The following CSMD1 variants were observed in gnomAD, a reference collection of about 807,000 sequenced individuals.
CSMD1 encodes CUB and Sushi multiple domains 1, also known as CUB and sushi domain-containing protein 1.
Under a neutral mutation model 417.5 loss-of-function variants are expected in CSMD1, and 213 were observed. That is an observed-to-expected ratio of 0.51 (90% CI 0.46 to 0.57). CSMD1 has a LOEUF of 0.57. Among genes scored for constraint, CSMD1 ranks in the 20% least tolerant of loss-of-function variants. CSMD1 has a pLI of 0.00. For synonymous variants in CSMD1, 2,862 were observed against 1,736.8 expected (o/e 1.65, Z -16.11); for missense variants, 6,923 against 4,529.7 (o/e 1.53, Z -15.17).
intron 3 of CSMD1, among the ~76,000 whole-genome samples, chr8:4,237,466 G>A (rs1802136191): frequency 6.6e-6 from 1 of 152,104 alleles, no homozygotes. Flanking sequence ...GCTTTGAAGT[G>A]AGGAATAAGG....
chr8:4,439,815 G>A (rs190990090), intron 2 of CSMD1, among the ~76,000 whole-genome samples: 1 of 152,266 alleles, frequency 6.6e-6, no homozygotes, highest in Non-Finnish European at 1.5e-5. Flanking sequence ...AAATTCAGGG[G>A]TGAAAATTAA....
At chr8:4,830,005 T>C (rs1585173909) in intron 1 of CSMD1, among the ~76,000 whole-genome samples, 1 of 152,336 alleles carries the variant, frequency 6.6e-6, no homozygotes, top group Non-Finnish European at 1.5e-5. Flanking sequence ...CGTGCTCTCG[T>C]GATGAACTGC....
chr8:3,751,672 T>C (rs1223065646), intron 6 of CSMD1, among the ~76,000 whole-genome samples: 3 of 152,128 alleles, frequency 2.0e-5, no homozygotes, highest in African/African-American at 2.4e-5. Context: ...GTCTGATACA[T>C]CTAAGTGATT....
At chr8:3,653,782 C>A (rs891381093) in intron 7 of CSMD1, among the ~76,000 whole-genome samples, 1 of 152,172 alleles carries the variant, frequency 6.6e-6, no homozygotes, top group Non-Finnish European at 1.5e-5. Context: ...AATGACATAT[C>A]CCTAACTCGT....
Position 3,000,013 on chromosome 8 carries a change from G to A in CSMD1, c.8148C>T (p.Ser2716=), listed in dbSNP as rs185898018. ...CNPGFRLVGT[S]VRICLQDHKW... ...TGTGGTCTTGCAGGCATATCCTCACGGAAGTTCCCACAAGCCGGAAACCAG... is the reference window on the plus strand; with the variant it reads ...TGTGGTCTTGCAGGCATATCCTCACAGAAGTTCCCACAAGCCGGAAACCAG... Residue 2716 remains serine (S), a synonymous_variant, in exon 53 of 70, where the codon TCC becomes TCT. Transcript: ENST00000635120. 3.4e-4 allele frequency: 551 copies of A among 1,607,966 alleles called. 4 individuals carry two copies. In the African/African-American group the frequency reaches 5.9e-3, roughly 17 times the overall value.
chr8:2,987,522 A>C (rs1255838063), intron 54 of CSMD1, among the ~76,000 whole-genome samples: 1 of 151,914 alleles, frequency 6.6e-6, no homozygotes, highest in East Asian at 1.9e-4. Flanking sequence ...TAAAAATCAA[A>C]GCTTATTCAC....
At chr8:3,205,988 G>A (rs980059880) in intron 30 of CSMD1, among the ~76,000 whole-genome samples, 1 of 152,090 alleles carries the variant, frequency 6.6e-6, no homozygotes, top group Non-Finnish European at 1.5e-5. Context: ...TAACTTAAGA[G>A]ATACAAAGAT....
intron 1 of CSMD1, among the ~76,000 whole-genome samples, chr8:4,905,164 C>T (rs1057099087): frequency 3.3e-5 from 5 of 152,024 alleles, no homozygotes; most frequent in Admixed American, 1.3e-4. Context: ...GAGTACTATT[C>T]GAACACATCT....
At chr8:4,118,099 G>C (rs933163640) in intron 3 of CSMD1, among the ~76,000 whole-genome samples, 82 of 152,222 alleles carry the variant, frequency 5.4e-4, no homozygotes, top group African/African-American at 1.9e-3. Flanking sequence ...TATAAGGCTT[G>C]TGTGTTTGCA....
chr8:4,760,112 C>T (rs930203672), intron 1 of CSMD1, among the ~76,000 whole-genome samples: 1 of 152,156 alleles, frequency 6.6e-6, no homozygotes, highest in African/African-American at 2.4e-5. Flanking sequence ...TTCTGACTGG[C>T]ATGAGATCTA....
chr8:4,793,675 G>C (rs1320188526), intron 1 of CSMD1, among the ~76,000 whole-genome samples: 3 of 152,070 alleles, frequency 2.0e-5, no homozygotes, highest in Admixed American at 6.6e-5. Flanking sequence ...CTCTGCTCAG[G>C]AGAAGAAAGT....
intron 1 of CSMD1, among the ~76,000 whole-genome samples, chr8:4,751,056 C>G (rs1484464927): frequency 6.6e-6 from 1 of 152,154 alleles, no homozygotes; most frequent in African/African-American, 2.4e-5. Flanking sequence ...GTTCCTCACA[C>G]CAGGTAAAGT....
At chr8:4,985,659 G>A (rs1193601234) in intron 1 of CSMD1, among the ~76,000 whole-genome samples, 1 of 152,112 alleles carries the variant, frequency 6.6e-6, no homozygotes, top group Non-Finnish European at 1.5e-5. Flanking sequence ...GTAACAAGAT[G>A]ACTATTCTCA....
At chr8:4,642,819 A>C (rs1434267778) in intron 1 of CSMD1, among the ~76,000 whole-genome samples, 1 of 152,184 alleles carries the variant, frequency 6.6e-6, no homozygotes, top group Non-Finnish European at 1.5e-5. Flanking sequence ...TCTGAGAGCA[A>C]ATGTTTGGAC....
chr8:4,569,627 G>T (rs1798785983), intron 2 of CSMD1, among the ~76,000 whole-genome samples: 1 of 152,096 alleles, frequency 6.6e-6, no homozygotes, highest in Non-Finnish European at 1.5e-5. Context: ...AGCTATACGG[G>T]CTCTTTTTTG....
At chr8:3,260,025 A>T (rs900134477) in intron 26 of CSMD1, among the ~76,000 whole-genome samples, 1 of 152,162 alleles carries the variant, frequency 6.6e-6, no homozygotes, top group Non-Finnish European at 1.5e-5. Flanking sequence ...CTGACTCTTC[A>T]GGGAAAAGGT....
intron 1 of CSMD1, among the ~76,000 whole-genome samples, chr8:4,828,823 C>A (rs1356964424): frequency 6.6e-6 from 1 of 152,122 alleles, no homozygotes; most frequent in Non-Finnish European, 1.5e-5. Flanking sequence ...TTGTGAAGAA[C>A]TGCAGATTGT....
chr8:4,429,159 A>G (rs904116576), intron 2 of CSMD1, among the ~76,000 whole-genome samples: 1 of 150,296 alleles, frequency 6.7e-6, no homozygotes. Flanking sequence ...ATTATTATAT[A>G]TAATATATAT....
intron 1 of CSMD1, among the ~76,000 whole-genome samples, chr8:4,708,304 C>T (rs896549284): frequency 6.6e-6 from 1 of 152,146 alleles, no homozygotes; most frequent in African/African-American, 2.4e-5. Flanking sequence ...TTTACATAGA[C>T]ATGCATTTTC....
Sources: gnomAD v4.1 joint callset for allele counts (sites outside exome capture counted in the v4.1 genomes callset) on GRCh38, gnomAD v4.1.1 for gene constraint, MANE v1.5 for transcripts, NCBI Gene and HGNC (gene_info 2026-07-23, HGNC 2026-07-21) for gene names.